DCTN1: variants seen among roughly 807,000 people sequenced by gnomAD.
The protein encoded by DCTN1 is dynactin subunit 1.
A neutral mutation model predicts 161.2 loss-of-function variants in DCTN1; 61 were observed. The ratio of observed to expected loss-of-function variants is 0.38; its 90% CI spans 0.31 to 0.47. DCTN1 has a LOEUF of 0.47. DCTN1 is among the 20% of genes least tolerant of loss of function. The probability of loss-of-function intolerance (pLI) is 0.99; values close to 1 mark genes in which losing one functional copy is unlikely to be tolerated. For missense variants in DCTN1, 1,404 were observed against 1,623.7 expected (o/e 0.86, Z 2.33); for synonymous variants, 653 against 632.4 (o/e 1.03, Z -0.49).
At chr2:74,385,884 T>C (rs989759918) in intron 1 of DCTN1, 4 of 152,244 alleles carry the variant, frequency 2.6e-5, no homozygotes, top group South Asian at 2.1e-4. Context: ...ATAATCATTA[T>C]GTTATTATAT....
At chr2:74,376,502 T>TTC (rs1675231979) in intron 5 of DCTN1, among the ~76,000 whole-genome samples, 1 of 152,238 alleles carries the variant, frequency 6.6e-6, no homozygotes, top group African/African-American at 2.4e-5. Flanking sequence ...TGGGGAATCT[T>TTC]TGACTTGGAG....
intron 1 of DCTN1, among the ~76,000 whole-genome samples, chr2:74,388,929 C>T (rs1675867983): frequency 6.6e-6 from 1 of 152,144 alleles, no homozygotes; most frequent in Non-Finnish European, 1.5e-5. Context: ...TCTCCCCTAA[C>T]CCTCAGTAAA....
intron 7 of DCTN1, chr2:74,372,147 A>G: frequency 4.3e-6 from 1 of 230,220 alleles, no homozygotes; most frequent in Non-Finnish European, 8.7e-6. Context: ...TCCTTGCTCC[A>G]GGTCTATGCC....
At chr2:74,367,933 AC>A (rs1674545690) in intron 17 of DCTN1, 37 bp downstream of exon 17, 5 of 1,614,014 alleles carry the variant, frequency 3.1e-6, no homozygotes, top group Non-Finnish European at 4.2e-6. Flanking sequence ...CCAATCCTGG[AC>A]CCCCACCCTG....
intron 1 of DCTN1, chr2:74,391,345 G>T (rs917024629): frequency 5.3e-6 from 1 of 190,006 alleles, no homozygotes; most frequent in African/African-American, 2.4e-5. Flanking sequence ...ATGACCTCAA[G>T]GATCATCTTG....
At chr2:74,371,948 G>T in intron 7 of DCTN1, 1 of 563,490 alleles carries the variant, frequency 1.8e-6, no homozygotes, top group Middle Eastern at 4.6e-4. Context: ...GGGGAGGATG[G>T]AGGCAGAGGA....
Position 74,361,445 on chromosome 2 carries a change from C to T in DCTN1, c.*54G>A. The T allele has an allele frequency of 1.2e-6, 2 of 1,612,228 alleles. No homozygotes were observed. Among genetic ancestry groups the T allele is most frequent in the Non-Finnish European group, 1.7e-6 (2 of 1,179,682 alleles). On this transcript the variant is annotated 3_prime_UTR_variant, in exon 32 of 32. Transcript: ENST00000628224. ...CTGGCTGAGGTGGCTGTGCATCGGG[C>T]AGAGCGGCACCAGAGGGCTGAGGGT... is the stretch of plus-strand genomic sequence containing the variant.
At chr2:74,364,980 G>A (rs374012118) in intron 26 of DCTN1, 95 bp downstream of exon 26, 4 of 1,524,564 alleles carry the variant, frequency 2.6e-6, no homozygotes, top group Admixed American at 3.4e-5. Flanking sequence ...GAATACCCGG[G>A]GGTAAGGGGG....
intron 4 of DCTN1, 21 bp downstream of exon 4, chr2:74,377,411 T>C: frequency 6.2e-7 from 1 of 1,608,300 alleles, no homozygotes; most frequent in Non-Finnish European, 8.5e-7. Context: ...TATTCCCCAT[T>C]CCCACCCCCA....
chr2:74,365,048 T>C (rs1674298348), intron 26 of DCTN1, 27 bp downstream of exon 26: 2 of 1,613,686 alleles, frequency 1.2e-6, no homozygotes, highest in Admixed American at 1.7e-5. Context: ...TCCTCTGTGC[T>C]AGTGCTGCCT....
chr2:74,380,669 A>C (rs1390710486), upstream of DCTN1: 4 of 427,790 alleles, frequency 9.4e-6, no homozygotes, highest in Admixed American at 5.0e-5. Context: ...CTCTGGACTC[A>C]GGGTCCAAAT....
At chr2:74,377,334 A>T (rs1355468252) in intron 4 of DCTN1, 98 bp downstream of exon 4, 7 of 1,057,304 alleles carry the variant, frequency 6.6e-6, no homozygotes, top group Admixed American at 1.7e-5. Context: ...GGCAAATCAG[A>T]CTCACCTACT....
chr2:74,369,990 T>C lies in DCTN1; in HGVS notation c.1367A>G (p.Glu456Gly). 6.2e-7 allele frequency: 1 copy of C among 1,614,086 alleles called. No individual in the cohort carries two copies. Among genetic ancestry groups the C allele is most frequent in the Non-Finnish European group, 8.5e-7 (1 of 1,180,014 alleles). ...RNLNLEEKVR[E>G]LRETVGDLEA... Reference sequence around the variant, plus strand: ...CAAGTCTCCCACAGTCTCCCTCAACTCGCGCACTTTCTCTTCCAGATTCAG... The same window carrying C: ...CAAGTCTCCCACAGTCTCCCTCAACCCGCGCACTTTCTCTTCCAGATTCAG... The change falls in exon 13 of 32, where the codon GAG becomes GGG. Residue 456 changes from glutamate (E) to glycine (G), a missense_variant. Physicochemically the swap from Glu to Gly is moderately conservative, Grantham distance 98. This residue lies in a region of DCTN1 where 278 missense variants were observed against 363.8 expected (regional missense o/e 0.76). Transcript: ENST00000628224. This position sits in a 1 kb window ranked among gnomAD's most constrained non-coding sequence, Gnocchi z 4.9.
rs1674863938 is a variant in DCTN1, at chr2:74,371,650, G to C, written c.532C>G (p.Leu178Val). The change falls in exon 8 of 32, where the codon CTG becomes GTG. Residue 178 changes from leucine (L) to valine (V), a missense_variant. By Grantham distance (32) the Leu-to-Val change is conservative. This residue lies in a region of DCTN1 where 174 missense variants were observed against 175.6 expected (regional missense o/e 0.99). Coordinates refer to ENST00000628224, the MANE Select transcript of DCTN1 (RefSeq NM_004082.5). ...GPSGSASAGE[L>V]SSSEPSTPAQ... is the part of the protein sequence containing the mutation. ...GGGGTGCTGGGCTCACTGCTGCTCA[G>C]CTCACCTGCTGACGCTGAGCCAGAG... 6.3e-7 allele frequency: 1 copy of C among 1,596,894 alleles called. No individual in the cohort carries two copies. Among genetic ancestry groups the C allele is most frequent in the Non-Finnish European group, 8.5e-7 (1 of 1,173,006 alleles).
chr2:74,364,536 G>A (rs976200554), intron 26 of DCTN1: 1 of 185,602 alleles, frequency 5.4e-6, no homozygotes, highest in Non-Finnish European at 1.1e-5. Context: ...AAAAACTCTA[G>A]GTGAGGAGCC....
chr2:74,371,824 A>C (rs1674881266), intron 7 of DCTN1, 96 bp from the exon 8 acceptor site: 1 of 1,012,962 alleles, frequency 9.9e-7, no homozygotes. Flanking sequence ...CAAGGGAAGG[A>C]GACAGAAAAG....
At chr2:74,363,892 T>C in intron 26 of DCTN1, 1 of 547,358 alleles carries the variant, frequency 1.8e-6, no homozygotes. Context: ...GAGTGTGCAC[T>C]GTACAAAGTA....
At chr2:74,362,513 G>T (rs1041535766) in intron 30 of DCTN1, 137 bp downstream of exon 30, 1 of 894,944 alleles carries the variant, frequency 1.1e-6, no homozygotes, top group Non-Finnish European at 1.8e-6. Flanking sequence ...GAGCTTCCAA[G>T]GCAAGAACCC....
At chr2:74,374,283 C>T in intron 6 of DCTN1, 40 bp downstream of exon 6, 1 of 1,608,840 alleles carries the variant, frequency 6.2e-7, no homozygotes, top group Non-Finnish European at 8.5e-7. Flanking sequence ...CCACCATTGC[C>T]CTGGCAACCC....
Sources: gnomAD v4.1 joint callset for allele counts (sites outside exome capture counted in the v4.1 genomes callset) on GRCh38, gnomAD v4.1.1 for gene constraint, gnomAD v4.1.1 regional missense constraint, Gnocchi (gnomAD v3.1) non-coding constraint, MANE v1.5 for transcripts, NCBI Gene and HGNC (gene_info 2026-07-23, HGNC 2026-07-21) for gene names.